CCDC85A: variants seen among roughly 807,000 people sequenced by gnomAD.
CCDC85A encodes coiled-coil domain containing 85A, also known as coiled-coil domain-containing protein 85A.
In CCDC85A, 38 loss-of-function variants were observed where a neutral mutation model predicts 50.2. That is an observed-to-expected ratio of 0.76 (90% CI 0.58 to 0.99). CCDC85A has a LOEUF of 0.99. CCDC85A is among the 50% of genes least tolerant of loss of function. CCDC85A has a pLI of 0.00. For missense variants in CCDC85A, 820 were observed against 742.0 expected (o/e 1.11, Z -1.22); for synonymous variants, 366 against 301.4 (o/e 1.21, Z -2.22).
At chr2:56,299,248 A>G (rs1333170724) in intron 2 of CCDC85A, among the ~76,000 whole-genome samples, 1 of 152,144 alleles carries the variant, frequency 6.6e-6, no homozygotes, top group Non-Finnish European at 1.5e-5. Context: ...AACTGCAGCA[A>G]TATTCTTGGG....
intron 2 of CCDC85A, among the ~76,000 whole-genome samples, chr2:56,250,068 T>C (rs1387751756): frequency 3.3e-5 from 5 of 152,218 alleles, no homozygotes; most frequent in Non-Finnish European, 5.9e-5. Context: ...TGTGTACTTA[T>C]AGGTTTTGCT....
intron 2 of CCDC85A, among the ~76,000 whole-genome samples, chr2:56,297,666 G>T (rs970768439): frequency 6.6e-6 from 1 of 152,148 alleles, no homozygotes; most frequent in Non-Finnish European, 1.5e-5. Context: ...CCTCAGTAAG[G>T]TCAGTAAAGT....
intron 2 of CCDC85A, among the ~76,000 whole-genome samples, chr2:56,223,957 T>C (rs1285346251): frequency 1.3e-5 from 2 of 152,194 alleles, no homozygotes; most frequent in Non-Finnish European, 2.9e-5. Context: ...AATATCTTTG[T>C]TAAGATACAG....
At chr2:56,275,753 A>G (rs553725339) in intron 2 of CCDC85A, among the ~76,000 whole-genome samples, 30 of 152,314 alleles carry the variant, frequency 2.0e-4, no homozygotes, top group African/African-American at 7.2e-4. Context: ...ATTTATCTTC[A>G]TCATGACCTT....
intron 2 of CCDC85A, among the ~76,000 whole-genome samples, chr2:56,306,177 T>C (rs546884939): frequency 1.3e-5 from 2 of 152,270 alleles, no homozygotes; most frequent in African/African-American, 4.8e-5. Context: ...TCGCCCAGGC[T>C]GGAGTGCAAT....
intron 2 of CCDC85A, among the ~76,000 whole-genome samples, chr2:56,309,374 A>G (rs1410103789): frequency 6.6e-6 from 1 of 152,194 alleles, no homozygotes; most frequent in African/African-American, 2.4e-5. Context: ...CGACACTGCC[A>G]GCTTAATTAT....
intron 3 of CCDC85A, among the ~76,000 whole-genome samples, chr2:56,346,235 G>A (rs1674624657): frequency 6.6e-6 from 1 of 152,150 alleles, no homozygotes; most frequent in African/African-American, 2.4e-5. Flanking sequence ...TAAACACAAT[G>A]AATATAATAA....
In CCDC85A at chr2:56,192,994, G is replaced by T. The variant is rs1200343533; in HGVS notation, c.794G>T (p.Cys265Phe). Residue 265 changes from cysteine to phenylalanine, a missense_variant, in exon 2 of 6, where the codon TGT (cysteine) becomes TTT (phenylalanine). Transcript: ENST00000407595. The surrounding 1 kb of genome is among the most constrained non-coding windows in gnomAD (Gnocchi z 4.7). Reference sequence around the variant, plus strand: ...GAGCATCCACAGAAACCCAGAGCCTGTGGAACCCCAGATCGCCCCAAAGCA... The same window carrying T: ...GAGCATCCACAGAAACCCAGAGCCTTTGGAACCCCAGATCGCCCCAAAGCA... ...SPEHPQKPRA[C>F]GTPDRPKALK... The T allele has an allele frequency of 6.2e-7, 1 of 1,613,802 alleles. No individual in the cohort carries two copies. The highest frequency in any genetic ancestry group is 8.5e-7 in the Non-Finnish European group (1 of 1,179,856).
chr2:56,316,934 C>G (rs186853809), intron 2 of CCDC85A, among the ~76,000 whole-genome samples: 1 of 152,168 alleles, frequency 6.6e-6, no homozygotes, highest in Admixed American at 6.6e-5. Flanking sequence ...TTTTGTATGT[C>G]TTATCGTACA....
chr2:56,344,741 C>T (rs1228739074), intron 3 of CCDC85A, among the ~76,000 whole-genome samples: 1 of 152,020 alleles, frequency 6.6e-6, no homozygotes, highest in Non-Finnish European at 1.5e-5. Flanking sequence ...CATCTAACTT[C>T]TTACTTGTTA....
At chr2:56,248,509 C>T (rs1047904844) in intron 2 of CCDC85A, among the ~76,000 whole-genome samples, 1 of 152,148 alleles carries the variant, frequency 6.6e-6, no homozygotes, top group East Asian at 1.9e-4. Context: ...TCAGTTTCCA[C>T]TCAAAGTCCC....
At chr2:56,370,826 A>G (rs1207005140) in intron 3 of CCDC85A, among the ~76,000 whole-genome samples, 4 of 152,086 alleles carry the variant, frequency 2.6e-5, no homozygotes, top group Non-Finnish European at 4.4e-5. Context: ...TAGAATGCCT[A>G]TATGTTTTAC....
At chr2:56,260,557 A>G (rs1401504461) in intron 2 of CCDC85A, among the ~76,000 whole-genome samples, 2 of 152,204 alleles carry the variant, frequency 1.3e-5, no homozygotes, top group African/African-American at 2.4e-5. Context: ...AGGAGTAGCA[A>G]TGTGATCTGG....
chr2:56,309,681 T>C (rs1037721726), intron 2 of CCDC85A, among the ~76,000 whole-genome samples: 2 of 152,090 alleles, frequency 1.3e-5, no homozygotes, highest in Non-Finnish European at 2.9e-5. Flanking sequence ...TTTAGGAAGG[T>C]TTTTGAACAA....
intron 2 of CCDC85A, among the ~76,000 whole-genome samples, chr2:56,310,995 G>A (rs958340611): frequency 2.7e-4 from 41 of 152,132 alleles, no homozygotes; most frequent in Non-Finnish European, 2.6e-4. Flanking sequence ...AATATATAAC[G>A]GGACTTTTGA....
chr2:56,237,873 G>A (rs996363230), intron 2 of CCDC85A, among the ~76,000 whole-genome samples: 1 of 152,082 alleles, frequency 6.6e-6, no homozygotes, highest in East Asian at 1.9e-4. Flanking sequence ...AATAGGGATT[G>A]GTGGCTTGGT....
intron 2 of CCDC85A, among the ~76,000 whole-genome samples, chr2:56,338,953 C>T (rs1482510264): frequency 1.3e-5 from 2 of 152,110 alleles, no homozygotes; most frequent in Non-Finnish European, 2.9e-5. Context: ...AGATATTCTT[C>T]CTGTGTTTTA....
At chr2:56,278,957 G>C (rs1393010436) in intron 2 of CCDC85A, among the ~76,000 whole-genome samples, 2 of 152,168 alleles carry the variant, frequency 1.3e-5, no homozygotes, top group Non-Finnish European at 2.9e-5. Flanking sequence ...GAGGCACGAG[G>C]GGGAAGGAAC....
chr2:56,381,681 G>A (rs2193488), intron 5 of CCDC85A, among the ~76,000 whole-genome samples: 14,814 of 152,036 alleles, frequency 0.097, 932 homozygotes, highest in African/African-American at 0.18. Flanking sequence ...CTATCTTACA[G>A]AGGGGGCCAT....
Sources: gnomAD v4.1 joint callset for allele counts (sites outside exome capture counted in the v4.1 genomes callset) on GRCh38, gnomAD v4.1.1 for gene constraint, Gnocchi (gnomAD v3.1) non-coding constraint, MANE v1.5 for transcripts, NCBI Gene and HGNC (gene_info 2026-07-23, HGNC 2026-07-21) for gene names.